The following RAB4B variants were observed in gnomAD, a reference collection of about 807,000 sequenced individuals.
RAB4B encodes ras-related protein Rab-4B.
In RAB4B, 15 loss-of-function variants were observed where a neutral mutation model predicts 28.3. The observed-to-expected ratio is 0.53, with a 90% CI of 0.35 to 0.82. The LOEUF (loss-of-function observed/expected upper bound fraction) is 0.82. RAB4B is among the 40% of genes least tolerant of loss of function. The pLI is 0.01. For synonymous variants in RAB4B, 108 were observed against 116.3 expected (o/e 0.93, Z 0.46); for missense variants, 244 against 288.5 (o/e 0.85, Z 1.12).
chr19:40,781,712 T>G (rs2083049940), intron 3 of RAB4B, among the ~76,000 whole-genome samples: 2 of 152,028 alleles, frequency 1.3e-5, no homozygotes, highest in Admixed American at 1.3e-4. Context: ...AGCAGAAAAG[T>G]TGATAGACAC....
chr19:40,786,634 G>A (rs1365852183), intron 5 of RAB4B, 31 bp from the exon 6 acceptor site: 1 of 1,612,814 alleles, frequency 6.2e-7, no homozygotes, highest in South Asian at 1.1e-5. Flanking sequence ...GACTAACTGG[G>A]GCCCTGACCT....
At chr19:40,785,342 CAAAAAAA>C (rs59914589) in intron 5 of RAB4B, among the ~76,000 whole-genome samples, 1 of 49,652 alleles carries the variant, frequency 2.0e-5, no homozygotes, top group African/African-American at 5.8e-5. Flanking sequence ...CCTGCCTCTA[CAAAAAAA>C]AAAAAAAAAA....
rs1160509893 is a variant in RAB4B at position 40,781,304 on chromosome 19, AAATAAATG to A, written c.212+813_212+820del. ...TCTGTCTCTGAATAAATAAATAAAT[AAATAAATG>A]AATAAATAAATAAATAAATAAATAA... On this transcript the variant is annotated intron_variant, in intron 3 of 7. Transcript: ENST00000357052. 1.4e-4 allele frequency among the ~76,000 whole-genome samples: 21 copies of A among 146,684 alleles called. No homozygotes were observed. The South Asian group carries it at 3.0e-3, about 21-fold the overall frequency.
chr19:40,786,412 T>A (rs1471293729), intron 5 of RAB4B: 1 of 471,922 alleles, frequency 2.1e-6, no homozygotes, highest in East Asian at 4.6e-5. Flanking sequence ...CCTAAGTCGG[T>A]ACCTGACTCA....
intron 3 of RAB4B, among the ~76,000 whole-genome samples, chr19:40,782,100 A>G (rs1166684930): frequency 6.6e-6 from 1 of 151,788 alleles, no homozygotes; most frequent in Non-Finnish European, 1.5e-5. Context: ...CAGTCCACGG[A>G]AAAGTGTGAT....
At chr19:40,795,125 C>T (rs1483325677) in intron 7 of RAB4B, among the ~76,000 whole-genome samples, 4 of 147,050 alleles carry the variant, frequency 2.7e-5, no homozygotes, top group East Asian at 2.0e-4. Context: ...GCCTAGATCG[C>T]GCCACTGCAC....
At chr19:40,791,163 T>C (rs1378322856) in intron 7 of RAB4B, among the ~76,000 whole-genome samples, 1 of 152,092 alleles carries the variant, frequency 6.6e-6, no homozygotes, top group Non-Finnish European at 1.5e-5. Flanking sequence ...CCAATTTTTG[T>C]ATTTTTAATA....
At position 40,791,572 on chromosome 19, in the gene RAB4B, C is replaced by T. The variant is rs542362252; in HGVS notation, c.*15+4594C>T. ...TGCTGGGCCTCTGCTTGGAACATTC[C>T]TACCCTCTTTTCCCTGGCAACCTCC... is the stretch of plus-strand genomic sequence containing the variant. On this transcript the variant is annotated intron_variant, in intron 7 of 7. Transcript: ENST00000357052. 1.5e-3 allele frequency among the ~76,000 whole-genome samples: 228 copies of T among 152,120 alleles called. 1 individual carries two copies. Among genetic ancestry groups the T allele is most frequent in the African/African-American group, 5.3e-3 (222 of 41,512 alleles).
chr19:40,790,663 CCTTT>C (rs2083149366), intron 7 of RAB4B, among the ~76,000 whole-genome samples: 1 of 103,330 alleles, frequency 9.7e-6, no homozygotes, highest in Non-Finnish European at 2.1e-5. Context: ...ATGAGCCTTT[CCTTT>C]TTTTTTTTTT....
At chr19:40,792,136 C>G (rs556597811) in intron 7 of RAB4B, 82 of 152,364 alleles carry the variant, frequency 5.4e-4, no homozygotes, top group African/African-American at 1.8e-3. Context: ...ACGTGATTTC[C>G]TGATGGAATG....
intron 3 of RAB4B, among the ~76,000 whole-genome samples, chr19:40,782,820 C>CAAT (rs1466502742): frequency 5.2e-4 from 73 of 139,740 alleles, no homozygotes; most frequent in African/African-American, 1.9e-3. Context: ...CTCAATCAGT[C>CAAT]AATCAATCAA....
chr19:40,783,147 C>CAA (rs1168587843), intron 3 of RAB4B, among the ~76,000 whole-genome samples: 1,230 of 34,740 alleles, frequency 0.035, 32 homozygotes, highest in Non-Finnish European at 0.057. Flanking sequence ...GATTCCTACT[C>CAA]AAAAAAAAAA....
intron 7 of RAB4B, among the ~76,000 whole-genome samples, chr19:40,787,285 TGTA>T (rs2083109494): frequency 1.3e-5 from 2 of 150,336 alleles, no homozygotes; most frequent in Non-Finnish European, 3.0e-5. Flanking sequence ...CTGTAATCCC[TGTA>T]CTTTGGAAGG....
intron 3 of RAB4B, 84 bp downstream of exon 3, chr19:40,780,583 C>T: frequency 1.7e-6 from 2 of 1,158,752 alleles, no homozygotes; most frequent in Non-Finnish European, 2.5e-6. Context: ...CACTTGGAGA[C>T]ACTGAGAGGG....
rs370608019 is a variant in RAB4B, at chr19:40,778,404, G to A, written c.16+13G>A. The A allele has an allele frequency of 6.2e-6, 9 of 1,460,640 alleles. No homozygotes were observed. Among genetic ancestry groups the A allele is most frequent in the Non-Finnish European group, 7.2e-6 (8 of 1,109,668 alleles). 90.5% of individuals were successfully genotyped at this position (1,460,640 alleles called of 1,614,324 possible). A position where few individuals can be genotyped will look rare whatever the true frequency, so the allele number is the denominator to read the frequency against. ...GCTGAGACCTACGGTGAGGGTGGTG[G>A]ACGAAGCTGGGGTCCTGGGTCTGGG... is the stretch of plus-strand genomic sequence containing the variant. On this transcript the variant is annotated intron_variant, in intron 1 of 7. Coordinates refer to ENST00000357052, the MANE Select transcript of RAB4B (RefSeq NM_016154.5).
chr19:40,789,411 A>G (rs1405773271), intron 7 of RAB4B, among the ~76,000 whole-genome samples: 1 of 150,130 alleles, frequency 6.7e-6, no homozygotes, highest in East Asian at 2.0e-4. Context: ...CGTGTTGGTC[A>G]GGCTGGTCTG....
intron 7 of RAB4B, among the ~76,000 whole-genome samples, chr19:40,795,842 G>A (rs1414955893): frequency 1.3e-5 from 2 of 152,012 alleles, no homozygotes; most frequent in African/African-American, 4.8e-5. Flanking sequence ...TGAGTAGCTG[G>A]GATTACAGGC....
intron 3 of RAB4B, among the ~76,000 whole-genome samples, chr19:40,782,624 C>A (rs2083059343): frequency 6.6e-6 from 1 of 151,450 alleles, no homozygotes; most frequent in Non-Finnish European, 1.5e-5. Flanking sequence ...ACCACACTGG[C>A]CAACATGGCG....
At chr19:40,794,997 CAAA>C (rs59417778) in intron 7 of RAB4B, among the ~76,000 whole-genome samples, 31,217 of 99,764 alleles carry the variant, frequency 0.31, 4,609 homozygotes, top group Admixed American at 0.46. Context: ...ACTAAAAATA[CAAA>C]AAAAAAAAAA....
Sources: allele counts gnomAD v4.1 joint callset (sites outside exome capture counted in the v4.1 genomes callset), GRCh38; gene constraint gnomAD v4.1.1; transcripts MANE v1.5; gene names NCBI Gene and HGNC (gene_info 2026-07-23, HGNC 2026-07-21).